Variants in ADTRP observed in about 807,000 individuals in gnomAD.
The protein encoded by ADTRP is androgen-dependent TFPI-regulating protein.
A neutral mutation model predicts 27.0 loss-of-function variants in ADTRP; 20 were observed. That is an observed-to-expected ratio of 0.74 (90% CI 0.52 to 1.08). ADTRP has a LOEUF of 1.08. ADTRP is among the 50% of genes least tolerant of loss of function. ADTRP has a pLI of 0.00. For synonymous variants in ADTRP, 101 were observed against 105.2 expected, an observed-to-expected ratio of 0.96 and a Z score of 0.25; for missense variants, 251 against 275.0, an observed-to-expected ratio of 0.91 and a Z score of 0.62.
chr6:11,770,150 G>T, intron 1 of ADTRP: 1 of 1,429,784 alleles, frequency 7.0e-7, no homozygotes, highest in African/African-American at 1.4e-5. Flanking sequence ...AGCATTGTGG[G>T]AGGTCAGAAG....
At chr6:11,741,626 A>T (rs1357783928) in intron 3 of ADTRP, among the ~76,000 whole-genome samples, 1 of 152,176 alleles carries the variant, frequency 6.6e-6, no homozygotes, top group African/African-American at 2.4e-5. Flanking sequence ...ATCTCAAAGC[A>T]TCATTCTATT....
At position 11,766,136 on chromosome 6, in the gene ADTRP, A is replaced by T. The variant is rs1763563539; in HGVS notation, c.390+138T>A. 3 of 577,440 alleles carry T rather than the reference A, an allele frequency of 5.2e-6. No individual in the cohort carries two copies. The Admixed American group carries it at 1.0e-4, about 19-fold the overall frequency. 35.8% of individuals were successfully genotyped at this position (577,440 alleles called of 1,614,324 possible). A position where few individuals can be genotyped will look rare whatever the true frequency, so the allele number is the denominator to read the frequency against. On this transcript the variant is annotated intron_variant, in intron 3 of 5. Transcript: ENST00000414691. Reference sequence around the variant, plus strand: ...CTTGTGTTCATTTCATACCTTCAATATGCCCTTTAAATAAACAGTGATGAG... The same window carrying T: ...CTTGTGTTCATTTCATACCTTCAATTTGCCCTTTAAATAAACAGTGATGAG...
At chr6:11,764,994 A>C (rs1025298720) in intron 3 of ADTRP, among the ~76,000 whole-genome samples, 2 of 151,902 alleles carry the variant, frequency 1.3e-5, no homozygotes, top group Admixed American at 1.3e-4. Context: ...TGACAAGAAA[A>C]AGTTGAGAGG....
intron 3 of ADTRP, among the ~76,000 whole-genome samples, chr6:11,752,395 C>G (rs2294423): frequency 0.34 from 51,985 of 151,842 alleles, 11,813 homozygotes; most frequent in East Asian, 0.66. Flanking sequence ...GATTCAGAAG[C>G]AAGCTGTTGA....
chr6:11,773,159 G>C (rs1454562487), intron 1 of ADTRP, among the ~76,000 whole-genome samples: 1 of 152,192 alleles, frequency 6.6e-6, no homozygotes, highest in African/African-American at 2.4e-5. Flanking sequence ...CATAATACAG[G>C]CCAGGGAAAG....
At chr6:11,771,140 G>A (rs888432342) in intron 1 of ADTRP, among the ~76,000 whole-genome samples, 1 of 152,094 alleles carries the variant, frequency 6.6e-6, no homozygotes, top group African/African-American at 2.4e-5. Flanking sequence ...AGATCCTCCG[G>A]GCCTTCTCCA....
At position 11,726,297 on chromosome 6, in the gene ADTRP, A is replaced by G. The variant is rs559601950; in HGVS notation, c.507-2797T>C. Among the ~76,000 whole-genome samples, 171 of 152,284 alleles carry G rather than the reference A, an allele frequency of 1.1e-3. 3 individuals carry two copies. The highest frequency in any genetic ancestry group is 3.2e-4 in the Non-Finnish European group (22 of 68,018). On this transcript the variant is annotated intron_variant, in intron 4 of 5. Coordinates refer to ENST00000414691, the MANE Select transcript of ADTRP (RefSeq NM_032744.4). ...GGTTTGTTTGTTCGTACCAAAACTC[A>G]TGTTGAAATTTGGTCCTGCGTGTGT... is the stretch of plus-strand genomic sequence containing the variant.
At chr6:11,728,648 CTTAT>C (rs1427257343) in intron 4 of ADTRP, 1 of 152,204 alleles carries the variant, frequency 6.6e-6, no homozygotes, top group Admixed American at 6.5e-5. Context: ...ACCTTTGTTA[CTTAT>C]TTGATTGTTT....
rs1278480335 is a variant in ADTRP, at chr6:11,766,386, A to C, written c.289-11T>G. On this transcript the variant is annotated splice_polypyrimidine_tract_variant and intron_variant, in intron 2 of 5. Coordinates refer to ENST00000414691, the MANE Select transcript of ADTRP (RefSeq NM_032744.4). ...TGCCAAAAATACAAACTGGAAAATA[A>C]AACACAAAAAATAGCATCATTAGGC... 6.3e-7 allele frequency: 1 copy of C among 1,592,674 alleles called. No individual in the cohort carries two copies. The highest frequency in any genetic ancestry group is 1.3e-5 in the African/African-American group (1 of 74,348).
chr6:11,721,843 TATG>T (rs879601472), intron 5 of ADTRP, among the ~76,000 whole-genome samples: 8 of 152,172 alleles, frequency 5.3e-5, no homozygotes, highest in East Asian at 3.8e-4. Context: ...TAATAATAAA[TATG>T]ATGATAATTT....
intron 1 of ADTRP, among the ~76,000 whole-genome samples, chr6:11,770,939 T>A (rs1198414022): frequency 1.3e-5 from 2 of 152,150 alleles, no homozygotes; most frequent in African/African-American, 4.8e-5. Context: ...ATTAATCCCA[T>A]CCTGAGCCTG....
intron 3 of ADTRP, among the ~76,000 whole-genome samples, chr6:11,758,582 G>GA (rs1561767001): frequency 8.5e-6 from 1 of 117,424 alleles, no homozygotes; most frequent in African/African-American, 3.1e-5. Flanking sequence ...GGGTGGGGGG[G>GA]GGGGACGGAT....
At chr6:11,759,494 A>G (rs1763332159) in intron 3 of ADTRP, among the ~76,000 whole-genome samples, 1 of 152,050 alleles carries the variant, frequency 6.6e-6, no homozygotes, top group African/African-American at 2.4e-5. Context: ...GTAACTGCAA[A>G]ACTTTTTTTT....
intron 1 of ADTRP, among the ~76,000 whole-genome samples, chr6:11,774,453 T>C (rs564948262): frequency 6.6e-6 from 1 of 152,200 alleles, no homozygotes; most frequent in African/African-American, 2.4e-5. Context: ...TTTAGACCCA[T>C]AGAGGCCTCC....
intron 1 of ADTRP, among the ~76,000 whole-genome samples, chr6:11,771,405 GAGCTGGGGCGTGAAGGGGCTGCCAGGAGC>G (rs1214490840): frequency 2.0e-5 from 3 of 152,256 alleles, no homozygotes; most frequent in African/African-American, 7.2e-5. Flanking sequence ...AAACCTGCAA[GAGCTGGGGCGTGAAGGGGCTGCCAGGAGC>G]AGCTGGGGCA....
intron 3 of ADTRP, among the ~76,000 whole-genome samples, chr6:11,764,884 T>C (rs1370618840): frequency 8.5e-6 from 1 of 117,578 alleles, no homozygotes; most frequent in East Asian, 2.5e-4. Flanking sequence ...CAATATAAAG[T>C]ACCATTTCTT....
chr6:11,775,510 TACC>T (rs2113360618), intron 1 of ADTRP, among the ~76,000 whole-genome samples: 1 of 152,164 alleles, frequency 6.6e-6, no homozygotes, highest in Non-Finnish European at 1.5e-5. Context: ...CATTGTGAAA[TACC>T]ACCTCTCCCT....
chr6:11,771,512 G>A (rs1000373428), intron 1 of ADTRP, among the ~76,000 whole-genome samples: 7 of 152,210 alleles, frequency 4.6e-5, no homozygotes, highest in Non-Finnish European at 2.9e-5. Context: ...AGGGACAGGT[G>A]TGGATCAGCC....
intron 3 of ADTRP, among the ~76,000 whole-genome samples, chr6:11,739,052 A>G (rs1347140543): frequency 6.6e-6 from 1 of 152,110 alleles, no homozygotes. Flanking sequence ...AAAAAAAAAA[A>G]GGAAGAACAA....
Sources: allele counts gnomAD v4.1 joint callset (sites outside exome capture counted in the v4.1 genomes callset), GRCh38; gene constraint gnomAD v4.1.1; transcripts MANE v1.5; gene names NCBI Gene and HGNC (gene_info 2026-07-23, HGNC 2026-07-21).